Variants in ADAMTS9 observed in about 807,000 individuals in gnomAD.
ADAMTS9 encodes the protein ADAM metallopeptidase with thrombospondin type 1 motif 9.
ADAMTS9 carries 107 observed loss-of-function variants against 257.1 expected under a neutral mutation model. The ratio of observed to expected loss-of-function variants is 0.42; its 90% CI spans 0.36 to 0.49. The LOEUF (loss-of-function observed/expected upper bound fraction) is 0.49, where lower values mean the gene tolerates loss of function less well. ADAMTS9 is among the 20% of genes least tolerant of loss of function. The probability of loss-of-function intolerance (pLI) is 0.03; values close to 1 mark genes in which losing one functional copy is unlikely to be tolerated. For synonymous variants in ADAMTS9, 982 were observed against 880.9 expected (o/e 1.11, Z -2.03); for missense variants, 2,353 against 2,469.1 (o/e 0.95, Z 1.00).
At chr3:64,537,801 C>T (rs1251499482) in intron 37 of ADAMTS9, among the ~76,000 whole-genome samples, 1 of 152,176 alleles carries the variant, frequency 6.6e-6, no homozygotes, top group Non-Finnish European at 1.5e-5. Context: ...AGAAAACTGG[C>T]CAAGTTCTCC....
At position 64,631,835 on chromosome 3, in the gene ADAMTS9, C is replaced by A; in HGVS notation, c.2266G>T (p.Ala756Ser). Residue 756 changes from alanine (A) to serine (S), a missense_variant, in exon 15 of 40, where the codon GCA (alanine) becomes TCA (serine). Transcript: ENST00000498707. Reference sequence around the variant, plus strand: ...TAATGTACTGTATTAAATGTTCCTGCCACTGTTTTGCATGAAGAATTATCG... The same window carrying A: ...TAATGTACTGTATTAAATGTTCCTGACACTGTTTTGCATGAAGAATTATCG... ...GGDNSSCKTV[A>S]GTFNTVHYGY... The A allele has an allele frequency of 6.2e-7, 1 of 1,613,720 alleles. No homozygotes were observed. Among genetic ancestry groups the A allele is most frequent in the Non-Finnish European group, 8.5e-7 (1 of 1,179,708 alleles).
At chr3:64,569,961 T>C (rs1176212013) in intron 28 of ADAMTS9, among the ~76,000 whole-genome samples, 1 of 152,226 alleles carries the variant, frequency 6.6e-6, no homozygotes, top group East Asian at 1.9e-4. Flanking sequence ...GACTTTGCGA[T>C]ATAATTCTAG....
intron 28 of ADAMTS9, among the ~76,000 whole-genome samples, chr3:64,582,133 G>A (rs1268664710): frequency 1.3e-5 from 2 of 152,162 alleles, no homozygotes; most frequent in Non-Finnish European, 1.5e-5. Context: ...GTGGCATGGG[G>A]GTTGGGGTTG....
intron 9 of ADAMTS9, chr3:64,650,040 C>A (rs1428951972): frequency 1.6e-5 from 6 of 372,182 alleles, no homozygotes; most frequent in Admixed American, 4.6e-5. Flanking sequence ...CACTTCACAG[C>A]AATTATCTGT....
At chr3:64,629,382 G>T (rs1700309804) in intron 16 of ADAMTS9, among the ~76,000 whole-genome samples, 1 of 152,148 alleles carries the variant, frequency 6.6e-6, no homozygotes, top group Admixed American at 6.6e-5. Context: ...TGGTTATATG[G>T]TCGTGTATGA....
At position 64,651,023 on chromosome 3, in the gene ADAMTS9, A is replaced by T. The variant is rs1269990669; in HGVS notation, c.1457T>A (p.Phe486Tyr). The change falls in exon 9 of 40, where the codon TTT becomes TAT. Residue 486 changes from phenylalanine (F) to tyrosine (Y), a missense_variant. Physicochemically the swap from Phe to Tyr is conservative, Grantham distance 22. Transcript: ENST00000498707. ...SKCSRKYITE[F>Y]LDTGYGECLL... ...AAGAATGTTCAAGTCTTACTCTAAA[A>T]ACTCAGTGATATATTTTCGACTACA... 1.0e-5 allele frequency: 16 copies of T among 1,603,106 alleles called. No homozygotes were observed. The highest frequency in any genetic ancestry group is 1.2e-5 in the Non-Finnish European group (14 of 1,175,862).
At position 64,620,810 on chromosome 3, in the gene ADAMTS9, G is replaced by A. The variant is rs143240512; in HGVS notation, c.2813+304C>T. Among the ~76,000 whole-genome samples, 40 of 152,144 alleles carry A rather than the reference G, an allele frequency of 2.6e-4. No homozygotes were observed. The Middle Eastern group carries it at 0.01, about 39-fold the overall frequency. ...TTTGACTTTCAAAACAAGTTTTCAC[G>A]TACAATGTGACTCAATCATAATGCT... is the stretch of plus-strand genomic sequence containing the variant. On this transcript the variant is annotated intron_variant, in intron 19 of 39. Transcript: ENST00000498707.
chr3:64,608,839 A>G (rs1263814875), intron 22 of ADAMTS9, among the ~76,000 whole-genome samples: 1 of 151,952 alleles, frequency 6.6e-6, no homozygotes, highest in Non-Finnish European at 1.5e-5. Flanking sequence ...CACACACACC[A>G]GATTAATATT....
At chr3:64,531,174 C>G (rs553945424) in intron 38 of ADAMTS9, among the ~76,000 whole-genome samples, 1 of 152,186 alleles carries the variant, frequency 6.6e-6, no homozygotes, top group African/African-American at 2.4e-5. Context: ...TTTTCACAGA[C>G]ACAAACTTAA....
intron 38 of ADAMTS9, among the ~76,000 whole-genome samples, chr3:64,528,332 G>A (rs12495357): frequency 0.078 from 11,810 of 152,152 alleles, 1,361 homozygotes; most frequent in Admixed American, 0.3. Flanking sequence ...ATTCCCACAC[G>A]TTGGAGAGTT....
chr3:64,571,348 T>C (rs148274701), intron 28 of ADAMTS9, among the ~76,000 whole-genome samples: 162 of 152,336 alleles, frequency 1.1e-3, no homozygotes, highest in African/African-American at 3.8e-3. Flanking sequence ...ATGCTTTATA[T>C]AGTGCTTCCC....
Position 64,550,940 on chromosome 3 carries a change from A to C in ADAMTS9, c.4821T>G (p.Cys1607Trp). 1 of 1,614,168 alleles carries C rather than the reference A, an allele frequency of 6.2e-7. No individual in the cohort carries two copies. Among genetic ancestry groups the C allele is most frequent in the Non-Finnish European group, 8.5e-7 (1 of 1,180,032 alleles). Reference protein sequence around the residue: ...VSKRPVDRESCSLQPCEYVWI... With the variant: ...VSKRPVDRESWSLQPCEYVWI... ...AGACATACTCGCAGGGTTGCAAACT[A>C]CAGCTTTCACGGTCCACCGGCCGCT... is the stretch of plus-strand genomic sequence containing the variant. Residue 1607 changes from cysteine to tryptophan, a missense_variant, in exon 31 of 40, where the codon TGT becomes TGG. Physicochemically the swap from Cys to Trp is radical, Grantham distance 215. Coordinates refer to ENST00000498707, the MANE Select transcript of ADAMTS9 (RefSeq NM_182920.2).
intron 26 of ADAMTS9, among the ~76,000 whole-genome samples, chr3:64,600,525 C>G (rs951970736): frequency 1.3e-5 from 2 of 152,238 alleles, no homozygotes; most frequent in African/African-American, 4.8e-5. Context: ...TAAATAAGCA[C>G]AGCACTAAAA....
chr3:64,551,285 C>T (rs2083268355), intron 30 of ADAMTS9, among the ~76,000 whole-genome samples: 1 of 152,188 alleles, frequency 6.6e-6, no homozygotes, highest in Non-Finnish European at 1.5e-5. Context: ...TCTTGGCTCA[C>T]TGCAAGCTCT....
chr3:64,528,433 T>C (rs2082936371), intron 38 of ADAMTS9, among the ~76,000 whole-genome samples: 1 of 152,194 alleles, frequency 6.6e-6, no homozygotes, highest in South Asian at 2.1e-4. Flanking sequence ...TTTCTGTCTG[T>C]CTGTCCCTCA....
chr3:64,625,582 G>T, intron 16 of ADAMTS9, among the ~76,000 whole-genome samples: 1 of 152,116 alleles, frequency 6.6e-6, no homozygotes, highest in Non-Finnish European at 1.5e-5. Context: ...TCCAGGATTA[G>T]GAATTAACTG....
At chr3:64,624,299 G>A (rs1700176609) in intron 16 of ADAMTS9, among the ~76,000 whole-genome samples, 1 of 151,454 alleles carries the variant, frequency 6.6e-6, no homozygotes, top group African/African-American at 2.4e-5. Flanking sequence ...AAAGAGGAAG[G>A]AAGGAGGGAA....
intron 10 of ADAMTS9, among the ~76,000 whole-genome samples, chr3:64,648,500 G>GT (rs1390576055): frequency 6.6e-6 from 1 of 152,076 alleles, no homozygotes; most frequent in Non-Finnish European, 1.5e-5. Flanking sequence ...TAAACACTCT[G>GT]TTTTTTAGAT....
intron 3 of ADAMTS9, among the ~76,000 whole-genome samples, chr3:64,662,982 A>C (rs1213418146): frequency 6.6e-6 from 1 of 152,124 alleles, no homozygotes; most frequent in African/African-American, 2.4e-5. Context: ...TGAAAGATAT[A>C]TGTTTAGACT....
Sources: gnomAD v4.1 joint callset for allele counts (sites outside exome capture counted in the v4.1 genomes callset) on GRCh38, gnomAD v4.1.1 for gene constraint, MANE v1.5 for transcripts, NCBI Gene and HGNC (gene_info 2026-07-23, HGNC 2026-07-21) for gene names.